The following EPHA5 variants were observed in gnomAD, a reference collection of about 807,000 sequenced individuals.
The protein encoded by EPHA5 is EPH receptor A5, also known as ephrin type-A receptor 5.
A neutral mutation model predicts 105.0 loss-of-function variants in EPHA5; 60 were observed. That is an observed-to-expected ratio of 0.57 (90% confidence interval 0.46 to 0.71). The LOEUF is 0.71. Among genes scored for constraint, EPHA5 ranks in the 30% least tolerant of loss-of-function variants. The pLI, the probability that EPHA5 is intolerant of heterozygous loss-of-function variation, is 0.00. For missense variants in EPHA5, 1,218 were observed against 1,274.7 expected, an observed-to-expected ratio of 0.96 and a Z score of 0.68; for synonymous variants, 513 against 449.1, an observed-to-expected ratio of 1.14 and a Z score of -1.80.
chr4:65,454,259 G>A lies in EPHA5; in HGVS notation c.1403-33694C>T, dbSNP rs555855300. On this transcript the variant is annotated intron_variant, in intron 5 of 16. Coordinates refer to ENST00000613740, the MANE Select transcript of EPHA5 (RefSeq NM_001281766.3). The stretch of plus-strand genomic sequence containing the variant: ...CGTGCCATTGCACTCCAGCCTGGGC[G>A]ACAAGAGCAAAACTCCATCTCTAAT... Among the ~76,000 whole-genome samples, 16 of 151,928 alleles carry A rather than the reference G, an allele frequency of 1.1e-4. No individual in the cohort carries two copies. In the South Asian group the frequency reaches 2.7e-3, roughly 26 times the overall value.
intron 3 of EPHA5, among the ~76,000 whole-genome samples, chr4:65,569,961 A>C (rs1578448420): frequency 6.6e-6 from 1 of 151,936 alleles, no homozygotes; most frequent in East Asian, 1.9e-4. Context: ...AAATATTTAC[A>C]GTCCTAAATT....
chr4:65,581,910 C>G (rs565940230), intron 3 of EPHA5, among the ~76,000 whole-genome samples: 1 of 151,642 alleles, frequency 6.6e-6, no homozygotes, highest in Admixed American at 6.6e-5. Flanking sequence ...AAGTAATTTA[C>G]TTTAACAAAG....
intron 3 of EPHA5, among the ~76,000 whole-genome samples, chr4:65,564,897 A>G (rs1221013499): frequency 6.6e-6 from 1 of 151,780 alleles, no homozygotes; most frequent in African/African-American, 2.4e-5. Flanking sequence ...ATGGAAATAA[A>G]TTTCAAAATA....
chr4:65,551,252 A>ATGTGTG (rs1224308815), intron 3 of EPHA5, among the ~76,000 whole-genome samples: 3 of 66,330 alleles, frequency 4.5e-5, no homozygotes, highest in South Asian at 9.4e-4. Flanking sequence ...ATATATTTAT[A>ATGTGTG]TATGTGTGTG....
At chr4:65,492,873 G>A (rs914446027) in intron 4 of EPHA5, among the ~76,000 whole-genome samples, 1 of 151,918 alleles carries the variant, frequency 6.6e-6, no homozygotes, top group African/African-American at 2.4e-5. Context: ...ATAAACTTTA[G>A]CTTATTTAAT....
At chr4:65,635,780 T>C (rs561453553) in intron 2 of EPHA5, among the ~76,000 whole-genome samples, 3 of 152,260 alleles carry the variant, frequency 2.0e-5, no homozygotes, top group African/African-American at 7.2e-5. Context: ...ATACAAAATG[T>C]TCCAGACGCT....
intron 3 of EPHA5, among the ~76,000 whole-genome samples, chr4:65,563,265 GATGGCTGATGAA>G: frequency 1.3e-5 from 2 of 152,092 alleles, no homozygotes; most frequent in Non-Finnish European, 2.9e-5. Context: ...CTAAGGCGTT[GATGGCTGATGAA>G]AACAAAACTG....
chr4:65,380,978 T>G (rs181045721), intron 8 of EPHA5, among the ~76,000 whole-genome samples: 1 of 151,840 alleles, frequency 6.6e-6, no homozygotes, highest in Non-Finnish European at 1.5e-5. Context: ...TTGGATAATC[T>G]AGTCACTGAT....
At chr4:65,482,860 C>CT (rs34522161) in intron 5 of EPHA5, among the ~76,000 whole-genome samples, 1 of 148,824 alleles carries the variant, frequency 6.7e-6, no homozygotes, top group African/African-American at 2.5e-5. Flanking sequence ...TTTAGAGGAT[C>CT]TTTTTTTTTT....
intron 5 of EPHA5, among the ~76,000 whole-genome samples, chr4:65,437,219 C>T (rs1725562245): frequency 6.6e-6 from 1 of 151,944 alleles, no homozygotes; most frequent in South Asian, 2.1e-4. Context: ...TCTAGAATCT[C>T]AGCTTGCAAT....
At position 65,335,985 on chromosome 4, in the gene EPHA5, G is replaced by A. The variant is rs200045329; in HGVS notation, c.2736C>T (p.Asp912=). 1.7e-5 allele frequency: 28 copies of A among 1,613,096 alleles called. 2 individuals carry two copies. The African/African-American group carries it at 2.3e-4, about 13-fold the overall frequency. Residue 912 remains aspartate (D), a synonymous_variant, in exon 15 of 17, where the codon GAC becomes GAT. Coordinates refer to ENST00000613740, the MANE Select transcript of EPHA5 (RefSeq NM_001281766.3). ...GACTACTTGGGTTACGTATCAGCTT[G>A]TCCAACATGTTGACTATTTCATCAA... The part of the protein sequence containing the change: ...PKFDEIVNML[D]KLIRNPSSLK...
chr4:65,572,808 A>C (rs765437354), intron 3 of EPHA5, among the ~76,000 whole-genome samples: 100 of 152,044 alleles, frequency 6.6e-4, no homozygotes, highest in Non-Finnish European at 8.8e-5. Flanking sequence ...AGGCAGGCGG[A>C]TAACCTGAGG....
chr4:65,355,887 G>A (rs1413237470), intron 11 of EPHA5, among the ~76,000 whole-genome samples: 1 of 151,500 alleles, frequency 6.6e-6, no homozygotes, highest in Non-Finnish European at 1.5e-5. Flanking sequence ...TAACTAAAAG[G>A]AGGACTAGAT....
At chr4:65,537,938 A>G (rs1269334769) in intron 3 of EPHA5, among the ~76,000 whole-genome samples, 1 of 151,726 alleles carries the variant, frequency 6.6e-6, no homozygotes, top group Admixed American at 6.6e-5. Flanking sequence ...CTTAATAATC[A>G]TAACTATGAA....
At chr4:65,541,752 T>TAATAGAC (rs1736858886) in intron 3 of EPHA5, among the ~76,000 whole-genome samples, 7 of 150,096 alleles carry the variant, frequency 4.7e-5, no homozygotes, top group East Asian at 2.0e-4. Flanking sequence ...TAAGTGGATT[T>TAATAGAC]ATCTACAGAG....
At chr4:65,551,209 G>A (rs568882217) in intron 3 of EPHA5, among the ~76,000 whole-genome samples, 1 of 150,312 alleles carries the variant, frequency 6.7e-6, no homozygotes, top group South Asian at 2.1e-4. Flanking sequence ...TTCATGCCAT[G>A]TATGTATATA....
intron 1 of EPHA5, among the ~76,000 whole-genome samples, chr4:65,657,995 A>T (rs1014226091): frequency 2.8e-5 from 4 of 145,048 alleles, no homozygotes; most frequent in African/African-American, 9.9e-5. Flanking sequence ...GGCCATTCTC[A>T]GTTCAGAAGA....
intron 3 of EPHA5, among the ~76,000 whole-genome samples, chr4:65,542,449 C>T (rs1164500268): frequency 6.6e-6 from 1 of 151,906 alleles, no homozygotes; most frequent in African/African-American, 2.4e-5. Flanking sequence ...AACACTTCTA[C>T]TCAAATGAAC....
intron 3 of EPHA5, among the ~76,000 whole-genome samples, chr4:65,522,764 T>G (rs374719815): frequency 6.6e-6 from 1 of 152,024 alleles, no homozygotes; most frequent in South Asian, 2.1e-4. Flanking sequence ...GGGCATTCAT[T>G]TGTGATCTGT....
Sources: allele counts gnomAD v4.1 joint callset (sites outside exome capture counted in the v4.1 genomes callset), GRCh38; gene constraint gnomAD v4.1.1; transcripts MANE v1.5; gene names NCBI Gene and HGNC (gene_info 2026-07-23, HGNC 2026-07-21).